FGF14: variants seen among roughly 807,000 people sequenced by gnomAD.
FGF14 encodes the protein fibroblast growth factor 14, also known as fibroblast growth factor homologous factor 4.
Under a neutral mutation model 25.5 loss-of-function variants are expected in FGF14, and 5 were observed. The ratio of observed to expected loss-of-function variants is 0.20; its 90% CI spans 0.10 to 0.41. The LOEUF is 0.41. Among genes scored for constraint, FGF14 ranks in the 10% least tolerant of loss-of-function variants. The probability of loss-of-function intolerance (pLI) is 1.00; values close to 1 mark genes in which losing one functional copy is unlikely to be tolerated. For synonymous variants in FGF14, 138 were observed against 118.3 expected (o/e 1.17, Z -1.08); for missense variants, 222 against 320.1 (o/e 0.69, Z 2.34).
chr13:102,064,439 T>C (rs2042817081), intron 1 of FGF14, among the ~76,000 whole-genome samples: 1 of 152,070 alleles, frequency 6.6e-6, no homozygotes, highest in Non-Finnish European at 1.5e-5. Flanking sequence ...AGTTGTTTAA[T>C]ACAACTTGGG....
intron 1 of FGF14, among the ~76,000 whole-genome samples, chr13:102,164,540 A>T (rs920363987): frequency 6.6e-6 from 1 of 152,204 alleles, no homozygotes; most frequent in Non-Finnish European, 1.5e-5. Flanking sequence ...ATAGAGAAAA[A>T]TGAAACAGGC....
chr13:102,398,444 G>A (rs1411384183), intron 1 of FGF14, among the ~76,000 whole-genome samples: 1 of 152,130 alleles, frequency 6.6e-6, no homozygotes, highest in African/African-American at 2.4e-5. Context: ...AACTTCCAAA[G>A]ATATAGGAAG....
intron 1 of FGF14, among the ~76,000 whole-genome samples, chr13:102,353,694 T>A (rs1418068028): frequency 6.6e-6 from 1 of 152,142 alleles, no homozygotes; most frequent in African/African-American, 2.4e-5. Context: ...TACCTCCCAC[T>A]TAGACTACTG....
At chr13:102,020,247 A>C (rs73563688) in intron 1 of FGF14, among the ~76,000 whole-genome samples, 4,814 of 152,058 alleles carry the variant, frequency 0.032, 243 homozygotes, top group African/African-American at 0.11. Flanking sequence ...GAGACCTAGG[A>C]GGTAAGAGAG....
intron 1 of FGF14, among the ~76,000 whole-genome samples, chr13:102,108,932 C>T (rs1180442615): frequency 6.6e-6 from 1 of 152,174 alleles, no homozygotes; most frequent in East Asian, 1.9e-4. Flanking sequence ...TCAAAGACCT[C>T]TCAATCTGAC....
intron 1 of FGF14, among the ~76,000 whole-genome samples, chr13:102,167,326 A>AAAAAAAAAAG (rs1566773958): frequency 2.0e-5 from 3 of 146,910 alleles, no homozygotes; most frequent in African/African-American, 2.5e-5. Context: ...AAAAAAAAAA[A>AAAAAAAAAAG]AAAAAAAAGG....
chr13:102,278,012 T>C (rs2053629782), intron 1 of FGF14, among the ~76,000 whole-genome samples: 1 of 152,234 alleles, frequency 6.6e-6, no homozygotes, highest in Non-Finnish European at 1.5e-5. Context: ...GCTTTTCTCT[T>C]GGGCTGACTG....
intron 1 of FGF14, among the ~76,000 whole-genome samples, chr13:102,210,841 A>C (rs1396710431): frequency 6.6e-6 from 1 of 152,190 alleles, no homozygotes; most frequent in Non-Finnish European, 1.5e-5. Flanking sequence ...CAACTCACCA[A>C]ACTCCAGAAG....
chr13:102,076,521 C>T, intron 1 of FGF14, among the ~76,000 whole-genome samples: 1 of 152,048 alleles, frequency 6.6e-6, no homozygotes, highest in East Asian at 1.9e-4. Context: ...AACATATCCC[C>T]ATTGTTAAGC....
chr13:102,375,497 A>G (rs1023030203), intron 1 of FGF14, among the ~76,000 whole-genome samples: 6 of 152,222 alleles, frequency 3.9e-5, no homozygotes, highest in African/African-American at 1.4e-4. Flanking sequence ...GTTGTAGAAG[A>G]CTAGGCAAGG....
chr13:101,979,910 C>T (rs888986332), intron 1 of FGF14, among the ~76,000 whole-genome samples: 2 of 152,108 alleles, frequency 1.3e-5, no homozygotes, highest in African/African-American at 4.8e-5. Flanking sequence ...GATAAGGCAT[C>T]GGAAATGCAA....
chr13:101,883,622 TAAC>T (rs1031390471), intron 1 of FGF14, among the ~76,000 whole-genome samples: 2 of 150,030 alleles, frequency 1.3e-5, no homozygotes, highest in Non-Finnish European at 3.0e-5. Flanking sequence ...GCGCTAATGA[TAAC>T]AATAGTAAGA....
chr13:102,024,046 T>G (rs1432132113), intron 1 of FGF14, among the ~76,000 whole-genome samples: 1 of 152,082 alleles, frequency 6.6e-6, no homozygotes, highest in Non-Finnish European at 1.5e-5. Flanking sequence ...ATTTCAGTTG[T>G]CTCCACTTTT....
At chr13:102,356,131 TAA>T (rs2057411918) in intron 1 of FGF14, among the ~76,000 whole-genome samples, 1 of 152,092 alleles carries the variant, frequency 6.6e-6, no homozygotes, top group South Asian at 2.1e-4. Flanking sequence ...TGGAGAAAAA[TAA>T]AGAGATGAAC....
chr13:102,020,988 A>C (rs1326865201), intron 1 of FGF14, among the ~76,000 whole-genome samples: 2 of 151,904 alleles, frequency 1.3e-5, no homozygotes, highest in Non-Finnish European at 2.9e-5. Context: ...GAGGGAGAGT[A>C]GGTTGTGGTC....
intron 1 of FGF14, among the ~76,000 whole-genome samples, chr13:102,004,486 G>A (rs2039674607): frequency 6.6e-6 from 1 of 152,134 alleles, no homozygotes; most frequent in Admixed American, 6.5e-5. Flanking sequence ...AAAACAACCT[G>A]ATCTTTACTG....
intron 1 of FGF14, among the ~76,000 whole-genome samples, chr13:101,932,525 C>A (rs1395545542): frequency 2.2e-5 from 2 of 91,610 alleles, no homozygotes; most frequent in Non-Finnish European, 3.7e-5. Flanking sequence ...ATAAGTGAGA[C>A]TCCATGTCAA....
intron 1 of FGF14, among the ~76,000 whole-genome samples, chr13:101,949,991 TTTTC>T (rs1427143166): frequency 6.6e-6 from 1 of 152,002 alleles, no homozygotes; most frequent in Non-Finnish European, 1.5e-5. Flanking sequence ...ATGAGGCAAG[TTTTC>T]TTTTTCTTTT....
chr13:101,814,898 G>A (rs1000832661), intron 3 of FGF14, among the ~76,000 whole-genome samples: 6 of 152,124 alleles, frequency 3.9e-5, no homozygotes, highest in Non-Finnish European at 8.8e-5. Flanking sequence ...GTTTTGAAAA[G>A]TATTAATTGG....
Sources: allele counts gnomAD v4.1 joint callset (sites outside exome capture counted in the v4.1 genomes callset), GRCh38; gene constraint gnomAD v4.1.1; transcripts MANE v1.5; gene names NCBI Gene and HGNC (gene_info 2026-07-23, HGNC 2026-07-21).